The following PLD5 variants were observed in gnomAD, a reference collection of about 807,000 sequenced individuals.
PLD5 encodes the protein inactive phospholipase D5.
A neutral mutation model predicts 61.1 loss-of-function variants in PLD5; 36 were observed. That is an observed-to-expected ratio of 0.59 (90% CI 0.45 to 0.78). PLD5 has a LOEUF of 0.78. Ranked by LOEUF, PLD5 falls within the 30% of genes least tolerant of loss-of-function variation. The pLI, the probability that PLD5 is intolerant of heterozygous loss-of-function variation, is 0.00. For synonymous variants in PLD5, 243 were observed against 242.8 expected, an observed-to-expected ratio of 1.00 and a Z score of -0.01; for missense variants, 515 against 644.4, an observed-to-expected ratio of 0.80 and a Z score of 2.17.
chr1:242,517,674 A>G (rs1394568530), intron 1 of PLD5, among the ~76,000 whole-genome samples: 1 of 152,216 alleles, frequency 6.6e-6, no homozygotes, highest in East Asian at 1.9e-4. Flanking sequence ...CTATTTAATC[A>G]TAACACTGCC....
At position 242,401,842 on chromosome 1, in the gene PLD5, C is replaced by T. The variant is rs530044486; in HGVS notation, c.190-53600G>A. On this transcript the variant is annotated intron_variant, in intron 1 of 9. Coordinates refer to ENST00000536534, the MANE Select transcript of PLD5 (RefSeq NM_001372062.1). Reference sequence around the variant, plus strand: ...ACTCCATCCTCCTGCTGGTAGAGGCCTTGAGGACAGGGACCCTGCTTGTCC... The same window carrying T: ...ACTCCATCCTCCTGCTGGTAGAGGCTTTGAGGACAGGGACCCTGCTTGTCC... Among the ~76,000 whole-genome samples the T allele has an allele frequency of 1.1e-4, 16 of 152,328 alleles. No homozygotes were observed. The South Asian group carries it at 2.1e-3, about 20-fold the overall frequency.
At chr1:242,123,940 G>A (rs573536425) in intron 6 of PLD5, among the ~76,000 whole-genome samples, 2 of 152,306 alleles carry the variant, frequency 1.3e-5, no homozygotes, top group South Asian at 4.1e-4. Flanking sequence ...GCACTGTCCT[G>A]TTGTGTGGGC....
chr1:242,301,902 C>T (rs1403207818), intron 2 of PLD5, among the ~76,000 whole-genome samples: 9 of 151,834 alleles, frequency 5.9e-5, no homozygotes, highest in African/African-American at 1.5e-4. Flanking sequence ...TTCAGCCTCC[C>T]GAGTAGCTGG....
At chr1:242,200,655 A>AC (rs1668930841) in intron 5 of PLD5, among the ~76,000 whole-genome samples, 1 of 151,932 alleles carries the variant, frequency 6.6e-6, no homozygotes, top group Non-Finnish European at 1.5e-5. Context: ...TGTTGCATAA[A>AC]CCCGAAGTTT....
At chr1:242,245,053 C>A (rs1672277652) in intron 4 of PLD5, among the ~76,000 whole-genome samples, 1 of 149,474 alleles carries the variant, frequency 6.7e-6, no homozygotes, top group African/African-American at 2.6e-5. Context: ...ATGCTGGGAG[C>A]CTCAGGCATG....
chr1:242,386,465 C>T (rs1662606819), intron 1 of PLD5, among the ~76,000 whole-genome samples: 1 of 152,298 alleles, frequency 6.6e-6, no homozygotes. Flanking sequence ...GCATCACCTA[C>T]CCAGTCTGCT....
intron 2 of PLD5, among the ~76,000 whole-genome samples, chr1:242,290,525 G>T (rs1399974402): frequency 6.6e-6 from 1 of 152,104 alleles, no homozygotes; most frequent in East Asian, 1.9e-4. Context: ...ACTTAATTTT[G>T]TCGCATTTGG....
chr1:242,096,084 A>G (rs1660200412), intron 9 of PLD5, among the ~76,000 whole-genome samples: 1 of 146,830 alleles, frequency 6.8e-6, no homozygotes, highest in Non-Finnish European at 1.5e-5. Flanking sequence ...TCAGCCTCCC[A>G]AGTAGCTGGG....
chr1:242,414,244 T>C (rs1558545735), intron 1 of PLD5, among the ~76,000 whole-genome samples: 4 of 152,078 alleles, frequency 2.6e-5, no homozygotes, highest in African/African-American at 9.7e-5. Context: ...CGCAAAAGGA[T>C]TGAGTGTTTA....
At chr1:242,181,413 T>C (rs576850530) in intron 5 of PLD5, among the ~76,000 whole-genome samples, 2 of 152,304 alleles carry the variant, frequency 1.3e-5, no homozygotes, top group Non-Finnish European at 2.9e-5. Context: ...GTATCAATAA[T>C]GTAAAATATA....
intron 2 of PLD5, among the ~76,000 whole-genome samples, chr1:242,310,828 CA>C (rs1676656056): frequency 6.6e-6 from 1 of 152,106 alleles, no homozygotes; most frequent in African/African-American, 2.4e-5. Context: ...GAAACCAAGG[CA>C]AAGAGAGAGC....
chr1:242,438,591 G>A (rs979061406), intron 1 of PLD5, among the ~76,000 whole-genome samples: 61 of 151,776 alleles, frequency 4.0e-4, no homozygotes, highest in African/African-American at 1.4e-3. Flanking sequence ...TTACCGGCAC[G>A]CATCACCACG....
intron 1 of PLD5, among the ~76,000 whole-genome samples, chr1:242,470,366 GAAAGAAAGAAAGAAAAAA>G (rs1243494784): frequency 1.3e-5 from 1 of 74,970 alleles, no homozygotes; most frequent in Non-Finnish European, 2.7e-5. Context: ...AAGAAAGAAA[GAAAGAAAGAAAGAAAAAA>G]AAGAAAGAAA....
At chr1:242,518,345 T>C (rs1179109667) in intron 1 of PLD5, among the ~76,000 whole-genome samples, 2 of 152,224 alleles carry the variant, frequency 1.3e-5, no homozygotes, top group Non-Finnish European at 2.9e-5. Context: ...TACCCTAAAC[T>C]TTTAGCACAT....
At chr1:242,443,159 TC>T (rs543279058) in intron 1 of PLD5, among the ~76,000 whole-genome samples, 36 of 152,320 alleles carry the variant, frequency 2.4e-4, no homozygotes, top group Middle Eastern at 6.8e-3. Context: ...CAGATGTGAT[TC>T]CCCCCTTTTC....
chr1:242,140,492 C>A (rs529320446), intron 5 of PLD5, among the ~76,000 whole-genome samples: 2 of 152,034 alleles, frequency 1.3e-5, no homozygotes, highest in Non-Finnish European at 2.9e-5. Context: ...CAAAAATTAG[C>A]CAGGCATGGT....
At chr1:242,333,151 A>T (rs1470517851) in intron 2 of PLD5, among the ~76,000 whole-genome samples, 1 of 152,210 alleles carries the variant, frequency 6.6e-6, no homozygotes. Flanking sequence ...TTGTCAAAAG[A>T]TGGAGCTGTT....
intron 5 of PLD5, among the ~76,000 whole-genome samples, chr1:242,201,827 C>T (rs1456750957): frequency 6.6e-6 from 1 of 152,154 alleles, no homozygotes; most frequent in Non-Finnish European, 1.5e-5. Flanking sequence ...AGTAAATTCT[C>T]CACCATTTTG....
intron 2 of PLD5, among the ~76,000 whole-genome samples, chr1:242,314,168 C>T (rs963181585): frequency 4.6e-5 from 7 of 152,176 alleles, no homozygotes; most frequent in African/African-American, 1.4e-4. Context: ...GTGAATCCAT[C>T]ACCTCAAGGT....
Sources: allele counts gnomAD v4.1 joint callset (sites outside exome capture counted in the v4.1 genomes callset), GRCh38; gene constraint gnomAD v4.1.1; transcripts MANE v1.5; gene names NCBI Gene and HGNC (gene_info 2026-07-23, HGNC 2026-07-21).